The following SMOC2 variants were observed in gnomAD, a reference collection of about 807,000 sequenced individuals.
SMOC2 encodes the protein SPARC related modular calcium binding 2, also known as SPARC-related modular calcium-binding protein 2.
A neutral mutation model predicts 61.4 loss-of-function variants in SMOC2; 39 were observed. That is an observed-to-expected ratio of 0.64 (90% CI 0.49 to 0.83). SMOC2 has a LOEUF of 0.83. Among genes scored for constraint, SMOC2 ranks in the 40% least tolerant of loss-of-function variants. The pLI is 0.00. For synonymous variants in SMOC2, 247 were observed against 239.9 expected, an observed-to-expected ratio of 1.03 and a Z score of -0.27; for missense variants, 556 against 592.9, an observed-to-expected ratio of 0.94 and a Z score of 0.65.
intron 7 of SMOC2, among the ~76,000 whole-genome samples, chr6:168,582,653 T>C (rs1289677540): frequency 6.6e-6 from 1 of 152,090 alleles, no homozygotes; most frequent in Non-Finnish European, 1.5e-5. Context: ...CTTTGGACGG[T>C]CCACCTGGAG....
At chr6:168,457,807 C>G (rs1781623011) in intron 1 of SMOC2, among the ~76,000 whole-genome samples, 1 of 152,204 alleles carries the variant, frequency 6.6e-6, no homozygotes, top group East Asian at 1.9e-4. Flanking sequence ...CTGTTTTGTT[C>G]TCTCTTCCCT....
At chr6:168,478,864 G>A (rs998392931) in intron 1 of SMOC2, among the ~76,000 whole-genome samples, 4 of 151,348 alleles carry the variant, frequency 2.6e-5, no homozygotes, top group African/African-American at 4.8e-5. Context: ...ACCCTGTCTC[G>A]GGGAAAGGAG....
chr6:168,650,920 C>A, intron 10 of SMOC2, 137 bp downstream of exon 10: 2 of 741,350 alleles, frequency 2.7e-6, no homozygotes, highest in Non-Finnish European at 4.3e-6. Context: ...GAGCCTTCTG[C>A]AAACACAGGA....
At chr6:168,653,301 C>G in intron 11 of SMOC2, 73 bp downstream of exon 11, 1 of 1,524,806 alleles carries the variant, frequency 6.6e-7, no homozygotes, top group Non-Finnish European at 8.8e-7. Flanking sequence ...TTCTCACAAA[C>G]ACAATTACAG....
chr6:168,534,656 C>T (rs941126613), intron 4 of SMOC2, among the ~76,000 whole-genome samples: 3 of 152,218 alleles, frequency 2.0e-5, no homozygotes, highest in Admixed American at 1.3e-4. Context: ...ATATTTATTA[C>T]TTTTAACCTC....
intron 7 of SMOC2, among the ~76,000 whole-genome samples, chr6:168,558,881 G>C (rs28514664): frequency 1.6e-4 from 24 of 149,976 alleles, no homozygotes; most frequent in Admixed American, 9.5e-4. Flanking sequence ...ATGTGTGTGC[G>C]TGTGTGCGTG....
At chr6:168,478,218 G>C (rs1470142567) in intron 1 of SMOC2, among the ~76,000 whole-genome samples, 1 of 152,124 alleles carries the variant, frequency 6.6e-6, no homozygotes, top group Non-Finnish European at 1.5e-5. Context: ...AAGTCCTCTT[G>C]GGAAGGTAAA....
intron 9 of SMOC2, among the ~76,000 whole-genome samples, chr6:168,650,268 G>C (rs947368904): frequency 6.6e-6 from 1 of 152,116 alleles, no homozygotes; most frequent in African/African-American, 2.4e-5. Context: ...TGGACAGGGT[G>C]GGGGTGGCGG....
At position 168,598,927 on chromosome 6, in the gene SMOC2, G is replaced by C. The variant is rs1562371782; in HGVS notation, c.747G>C (p.Val249=). 5.0e-6 allele frequency: 8 copies of C among 1,613,750 alleles called. No individual in the cohort carries two copies. Among genetic ancestry groups the C allele is most frequent in the Non-Finnish European group, 6.8e-6 (8 of 1,179,780 alleles). ...CGCACGGCGGCCTCTACAAGCCAGT[G>C]CAGTGCCACCCCTCCACGGGGTACT... is the stretch of plus-strand genomic sequence containing the variant. ...ECAHGGLYKP[V]QCHPSTGYCW... is the part of the protein sequence containing the mutation. The change falls in exon 8 of 13, where the codon GTG becomes GTC. Residue 249 remains valine, a synonymous_variant. Transcript: ENST00000356284.
intron 4 of SMOC2, among the ~76,000 whole-genome samples, chr6:168,539,741 A>T (rs111464815): frequency 6.6e-6 from 1 of 152,332 alleles, no homozygotes; most frequent in African/African-American, 2.4e-5. Context: ...GCTCTCTGCC[A>T]GCCTGTGCGT....
intron 1 of SMOC2, among the ~76,000 whole-genome samples, chr6:168,455,083 G>A (rs1287255357): frequency 2.0e-5 from 3 of 152,124 alleles, no homozygotes; most frequent in African/African-American, 7.2e-5. Flanking sequence ...CCCCTGCAGG[G>A]TGCCGGGGCG....
intron 9 of SMOC2, among the ~76,000 whole-genome samples, chr6:168,619,362 A>G (rs1786187632): frequency 6.6e-6 from 1 of 152,314 alleles, no homozygotes; most frequent in African/African-American, 2.4e-5. Context: ...CAGACAAATT[A>G]ATAGTGTAAG....
intron 1 of SMOC2, among the ~76,000 whole-genome samples, chr6:168,487,830 A>T (rs184617309): frequency 6.6e-6 from 1 of 152,202 alleles, no homozygotes; most frequent in Non-Finnish European, 1.5e-5. Context: ...TAAAAAACAT[A>T]CATGGCACAC....
chr6:168,523,079 A>ATTTTTTTTTTTTTTTT (rs1554287070), intron 2 of SMOC2, among the ~76,000 whole-genome samples: 6 of 93,686 alleles, frequency 6.4e-5, no homozygotes, highest in African/African-American at 1.7e-4. Context: ...TTGTACAGTA[A>ATTTTTTTTTTTTTTTT]TTTTTTTTTT....
intron 4 of SMOC2, among the ~76,000 whole-genome samples, chr6:168,539,215 C>A (rs1018171021): frequency 7.9e-5 from 12 of 152,234 alleles, no homozygotes; most frequent in African/African-American, 2.9e-4. Context: ...ATTCTTAGAT[C>A]AAAAAACTTA....
At chr6:168,497,808 A>G (rs2115038771) in intron 1 of SMOC2, among the ~76,000 whole-genome samples, 1 of 152,304 alleles carries the variant, frequency 6.6e-6, no homozygotes, top group African/African-American at 2.4e-5. Context: ...CCCACAAAGC[A>G]AAATAAATGG....
intron 9 of SMOC2, among the ~76,000 whole-genome samples, chr6:168,626,249 G>A (rs1004555103): frequency 8.5e-5 from 13 of 152,304 alleles, no homozygotes; most frequent in East Asian, 1.9e-4. Flanking sequence ...CCGCGCCCCC[G>A]TTTCTGCTCC....
In SMOC2 at chr6:168,547,089, C is replaced by T. The variant is rs758780266; in HGVS notation, c.512-30C>T. The T allele has an allele frequency of 1.6e-5, 26 of 1,614,038 alleles. No individual in the cohort carries two copies. The highest frequency in any genetic ancestry group is 2.2e-5 in the Non-Finnish European group (26 of 1,179,960). The stretch of plus-strand genomic sequence containing the variant: ...TAACTTACTCTCATAATTGTAGTCT[C>T]CTTGCAAATCTTTTCCGTTCTGAAT... On this transcript the variant is annotated intron_variant, in intron 5 of 12. Transcript: ENST00000356284.
At chr6:168,507,493 G>A (rs931855426) in intron 1 of SMOC2, among the ~76,000 whole-genome samples, 7 of 152,184 alleles carry the variant, frequency 4.6e-5, no homozygotes, top group African/African-American at 1.7e-4. Context: ...CCTGTGACTC[G>A]GAAGCATTTT....
Sources: allele counts gnomAD v4.1 joint callset (sites outside exome capture counted in the v4.1 genomes callset), GRCh38; gene constraint gnomAD v4.1.1; transcripts MANE v1.5; gene names NCBI Gene and HGNC (gene_info 2026-07-23, HGNC 2026-07-21).